The following ABCA6 variants were observed in gnomAD, a reference collection of about 807,000 sequenced individuals.
ABCA6 encodes ATP-binding cassette sub-family A member 6.
In ABCA6, 164 loss-of-function variants were observed where a neutral mutation model predicts 191.2. The observed-to-expected ratio is 0.86, with a 90% CI of 0.76 to 0.98. The LOEUF (loss-of-function observed/expected upper bound fraction) is 0.98, where lower values mean the gene tolerates loss of function less well. ABCA6 is among the 50% of genes least tolerant of loss of function. The pLI, the probability that ABCA6 is intolerant of heterozygous loss-of-function variation, is 0.00. For missense variants in ABCA6, 1,958 were observed against 1,894.1 expected, an observed-to-expected ratio of 1.03 and a Z score of -0.63; for synonymous variants, 636 against 647.7, an observed-to-expected ratio of 0.98 and a Z score of 0.27.
intron 22 of ABCA6, chr17:69,099,459 C>T (rs551120672): frequency 1.3e-5 from 2 of 152,058 alleles, no homozygotes; most frequent in South Asian, 4.2e-4. Context: ...GCTAATAATT[C>T]AGAAGTTAGG....
At chr17:69,081,414 A>G (rs920550282) in intron 36 of ABCA6, among the ~76,000 whole-genome samples, 1 of 152,168 alleles carries the variant, frequency 6.6e-6, no homozygotes, top group East Asian at 1.9e-4. Flanking sequence ...GGTATTCTGA[A>G]CTATTCCCTT....
At chr17:69,132,873 AGTGT>A (rs35431740) in intron 6 of ABCA6, among the ~76,000 whole-genome samples, 3 of 151,608 alleles carry the variant, frequency 2.0e-5, no homozygotes, top group Non-Finnish European at 2.9e-5. Flanking sequence ...TACATACATG[AGTGT>A]GTGTGTACAT....
At chr17:69,110,677 T>C (rs2073404970) in intron 17 of ABCA6, 124 bp downstream of exon 17, 3 of 1,128,786 alleles carry the variant, frequency 2.7e-6, no homozygotes, top group Admixed American at 2.9e-5. Flanking sequence ...TCCTCTTGAG[T>C]TCTGCTTCTC....
intron 20 of ABCA6, 116 bp from the exon 21 acceptor site, chr17:69,103,084 G>A (rs1332276206): frequency 1.7e-6 from 1 of 605,356 alleles, no homozygotes; most frequent in Non-Finnish European, 2.7e-6. Context: ...ATGTATAAAT[G>A]TCTTTCTTTG....
intron 8 of ABCA6, among the ~76,000 whole-genome samples, chr17:69,125,782 A>G (rs748680722): frequency 7.9e-5 from 12 of 152,194 alleles, no homozygotes; most frequent in Non-Finnish European, 1.2e-4. Flanking sequence ...TTGAGTCAAC[A>G]TTTGAAAATC....
Position 69,125,047 on chromosome 17 carries a change from A to C in ABCA6, c.1120-12T>G. The C allele has an allele frequency of 8.0e-7, 1 of 1,246,774 alleles. No individual in the cohort carries two copies. The highest frequency in any genetic ancestry group is 2.7e-5 in the Admixed American group (1 of 36,450). The allele number at this position is 1,246,774 out of a possible 1,614,324, so 77.2% of individuals were successfully genotyped here. On this transcript the variant is annotated splice_polypyrimidine_tract_variant and intron_variant, in intron 8 of 38. Transcript: ENST00000284425. ...TCCAGTTTGATAATCTAAGATTCAA[A>C]AAATAAAAATAAATGTTTAAAATAA...
Position 69,091,608 on chromosome 17 carries a change from C to T in ABCA6, c.3409-346G>A, listed in dbSNP as rs1260689987. On this transcript the variant is annotated intron_variant, in intron 25 of 38. Coordinates refer to ENST00000284425, the MANE Select transcript of ABCA6 (RefSeq NM_080284.3). ...CGGGATCTCGGCTCACTGCAAGCTC[C>T]GCCTCCCGGGTTCACGCCATTCTCC... Among the ~76,000 whole-genome samples, 9 of 20,560 alleles carry T rather than the reference C, an allele frequency of 4.4e-4. 3 individuals carry two copies. Among genetic ancestry groups the T allele is most frequent in the African/African-American group, 3.6e-3 (9 of 2,480 alleles). The allele number at this position is 20,560 out of a possible 152,430, so 13.5% of individuals were successfully genotyped here.
At chr17:69,111,853 A>G (rs1598472352) in intron 16 of ABCA6, 1 of 189,742 alleles carries the variant, frequency 5.3e-6, no homozygotes, top group East Asian at 1.3e-4. Context: ...GAATGAAAAC[A>G]TATTTCAGAA....
chr17:69,140,733 C>A lies in ABCA6; in HGVS notation c.-30G>T, dbSNP rs777463779. The A allele has an allele frequency of 1.4e-6, 2 of 1,433,554 alleles. No homozygotes were observed. The highest frequency in any genetic ancestry group is 2.2e-5 in the Admixed American group (1 of 45,396). 88.8% of individuals were successfully genotyped at this position (1,433,554 alleles called of 1,614,324 possible). A position where few individuals can be genotyped will look rare whatever the true frequency, so the allele number is the denominator to read the frequency against. On this transcript the variant is annotated 5_prime_UTR_variant, in exon 2 of 39. The change abolishes an upstream ATG in the 5' untranslated region. Coordinates refer to ENST00000284425, the MANE Select transcript of ABCA6 (RefSeq NM_080284.3). Reference sequence around the variant, plus strand: ...CCTATTCGCTGAAGGAGAAAGTAATCATGGTGGAACACAACCTAGAAAAAA... The same window carrying A: ...CCTATTCGCTGAAGGAGAAAGTAATAATGGTGGAACACAACCTAGAAAAAA...
intron 32 of ABCA6, 39 bp downstream of exon 32, chr17:69,084,989 T>A (rs62082718): frequency 0.13 from 206,951 of 1,564,626 alleles, 14,795 homozygotes; most frequent in Middle Eastern, 0.18. Context: ...ACAGTCTCCC[T>A]GCATTCTGAC....
At position 69,095,206 on chromosome 17, in the gene ABCA6, AC is replaced by A. The variant is rs1311616696; in HGVS notation, c.3408+1033del. ...CAATGGCAGTAAGTCTGTTGACTGAACAAAAAATAGTCTCCATGGAAAGGAT... is the reference window on the plus strand; with the variant it reads ...CAATGGCAGTAAGTCTGTTGACTGAAAAAAAATAGTCTCCATGGAAAGGAT... On this transcript the variant is annotated intron_variant, in intron 25 of 38. Coordinates refer to ENST00000284425, the MANE Select transcript of ABCA6 (RefSeq NM_080284.3). 2.1e-5 allele frequency: 4 copies of A among 192,310 alleles called. No homozygotes were observed. The East Asian group carries it at 5.2e-4, about 25-fold the overall frequency. 11.9% of individuals were successfully genotyped at this position (192,310 alleles called of 1,614,324 possible).
Position 69,082,295 on chromosome 17 carries a change from T to C in ABCA6, c.4616+578A>G, listed in dbSNP as rs557100473. Among the ~76,000 whole-genome samples, 4 of 151,280 alleles carry C rather than the reference T, an allele frequency of 2.6e-5. No homozygotes were observed. In the East Asian group the frequency reaches 7.8e-4, roughly 29 times the overall value. ...AAATTCAGTTTCTGCTCCACCTTCT[T>C]GCCCTCCCCCAAATAACATACAGAC... On this transcript the variant is annotated intron_variant, in intron 36 of 38. Coordinates refer to ENST00000284425, the MANE Select transcript of ABCA6 (RefSeq NM_080284.3).
chr17:69,093,232 A>C (rs2144628739), intron 25 of ABCA6, among the ~76,000 whole-genome samples: 1 of 152,316 alleles, frequency 6.6e-6, no homozygotes, highest in African/African-American at 2.4e-5. Flanking sequence ...ATAATAGTGA[A>C]AATTATAGTA....
At chr17:69,096,111 T>A (rs1036114869) in intron 25 of ABCA6, 129 bp downstream of exon 25, 1 of 389,056 alleles carries the variant, frequency 2.6e-6, no homozygotes, top group Non-Finnish European at 4.6e-6. Flanking sequence ...CACTTCCCTC[T>A]CTTTTCTATG....
chr17:69,100,967 C>T (rs1598459507), intron 21 of ABCA6, 33 bp from the exon 22 acceptor site: 1 of 1,529,868 alleles, frequency 6.5e-7, no homozygotes, highest in Non-Finnish European at 8.9e-7. Context: ...AATGTTAATG[C>T]TAAATTCTTA....
At position 69,083,227 on chromosome 17, in the gene ABCA6, A is replaced by T; in HGVS notation, c.4460T>A (p.Val1487Glu). 6.2e-7 allele frequency: 1 copy of T among 1,601,924 alleles called. No homozygotes were observed. Among genetic ancestry groups the T allele is most frequent in the South Asian group, 1.1e-5 (1 of 88,454 alleles). The change falls in exon 35 of 39, where the codon GTG becomes GAG. Residue 1487 changes from valine to glutamate, a missense_variant. Coordinates refer to ENST00000284425, the MANE Select transcript of ABCA6 (RefSeq NM_080284.3). Reference protein sequence around the residue: ...EALCDRVAIMVSGRLRCIGSI... With the variant: ...EALCDRVAIMESGRLRCIGSI... Reference sequence around the variant, plus strand: ...AGACACCCACCTAAGCCTTCCAGACACCATGATGGCCACACGGTCACACAA... The same window carrying T: ...AGACACCCACCTAAGCCTTCCAGACTCCATGATGGCCACACGGTCACACAA...
chr17:69,134,227 C>T (rs1451105788), intron 5 of ABCA6, among the ~76,000 whole-genome samples: 3 of 152,132 alleles, frequency 2.0e-5, no homozygotes, highest in African/African-American at 7.2e-5. Flanking sequence ...AGTGGCCCCT[C>T]CTAAATTCTT....
intron 2 of ABCA6, among the ~76,000 whole-genome samples, chr17:69,138,915 C>A (rs1355432034): frequency 1.3e-5 from 2 of 151,992 alleles, no homozygotes; most frequent in African/African-American, 4.8e-5. Flanking sequence ...GAAACTGGAT[C>A]CCTTCCTTAC....
At chr17:69,135,056 T>C (rs893133459) in intron 4 of ABCA6, among the ~76,000 whole-genome samples, 1 of 151,954 alleles carries the variant, frequency 6.6e-6, no homozygotes, top group Non-Finnish European at 1.5e-5. Context: ...AATTTTTGTA[T>C]TTTTAGTAGA....
Sources: gnomAD v4.1 joint callset for allele counts (sites outside exome capture counted in the v4.1 genomes callset) on GRCh38, gnomAD v4.1.1 for gene constraint, MANE v1.5 for transcripts, NCBI Gene and HGNC (gene_info 2026-07-23, HGNC 2026-07-21) for gene names.